NCOA2: variants seen among roughly 807,000 people sequenced by gnomAD.
NCOA2 encodes the protein class E basic helix-loop-helix protein 75.
A neutral mutation model predicts 145.1 loss-of-function variants in NCOA2; 21 were observed. That is an observed-to-expected ratio of 0.14 (90% CI 0.10 to 0.21). The LOEUF (loss-of-function observed/expected upper bound fraction) is 0.21. Ranked by LOEUF, NCOA2 falls within the 10% of genes least tolerant of loss-of-function variation. The probability of loss-of-function intolerance (pLI) is 1.00; values close to 1 mark genes in which losing one functional copy is unlikely to be tolerated. For synonymous variants in NCOA2, 619 were observed against 637.5 expected, an observed-to-expected ratio of 0.97 and a Z score of 0.44; for missense variants, 1,472 against 1,837.6, an observed-to-expected ratio of 0.80 and a Z score of 3.64.
chr8:70,185,463 A>G (rs1815959492), intron 4 of NCOA2, among the ~76,000 whole-genome samples: 1 of 152,192 alleles, frequency 6.6e-6, no homozygotes, highest in African/African-American at 2.4e-5. Flanking sequence ...TGGCCAAGCA[A>G]TGAAGGCACA....
intron 2 of NCOA2, among the ~76,000 whole-genome samples, chr8:70,275,093 G>A (rs75330110): frequency 0.034 from 5,218 of 152,270 alleles, 297 homozygotes; most frequent in African/African-American, 0.12. Context: ...AGGTTCATCT[G>A]TAGTTCTGAT....
chr8:70,287,479 A>C (rs1826320318), intron 2 of NCOA2, among the ~76,000 whole-genome samples: 1 of 152,134 alleles, frequency 6.6e-6, no homozygotes, highest in Non-Finnish European at 1.5e-5. Context: ...GGGAATTCTA[A>C]ATTACTTTTT....
At chr8:70,290,937 A>G (rs1276244038) in intron 2 of NCOA2, among the ~76,000 whole-genome samples, 1 of 152,242 alleles carries the variant, frequency 6.6e-6, no homozygotes, top group African/African-American at 2.4e-5. Flanking sequence ...AATAACATAC[A>G]TCTGGCATTT....
intron 4 of NCOA2, among the ~76,000 whole-genome samples, chr8:70,189,505 A>C (rs1442549035): frequency 6.6e-6 from 1 of 152,198 alleles, no homozygotes; most frequent in Non-Finnish European, 1.5e-5. Context: ...TGTAGACCCA[A>C]GTGACCCACA....
At chr8:70,444,543 G>C in the NCOA2 span, among the ~76,000 whole-genome samples, 2 of 152,150 alleles carry the variant, frequency 1.3e-5, no homozygotes, top group Non-Finnish European at 2.9e-5. Flanking sequence ...GAATAAGATT[G>C]CTGGACTGCA....
chr8:70,200,151 A>G (rs887560875), intron 4 of NCOA2, among the ~76,000 whole-genome samples: 3 of 152,200 alleles, frequency 2.0e-5, no homozygotes, highest in African/African-American at 7.2e-5. Flanking sequence ...CACAAATACT[A>G]TACCACTTTA....
chr8:70,156,896 T>C lies in NCOA2; in HGVS notation c.1469A>G (p.His490Arg). The change falls in exon 11 of 23, where the codon CAT (histidine) becomes CGT (arginine). Residue 490 changes from histidine to arginine, a missense_variant. Around this residue, in one of 4 missense-constraint regions of NCOA2, gnomAD observed 953 missense variants for 1,062.1 expected, o/e 0.90. Coordinates refer to ENST00000452400, the MANE Select transcript of NCOA2 (RefSeq NM_006540.4). ...GQPTSMLSPR[H>R]RMSPGVAGSP... ...GCCAGCCACTCCAGGGCTCATGCGA[T>C]GCCTTGGTGAAAGCATGGAGGTGGG... The C allele has an allele frequency of 6.2e-7, 1 of 1,613,994 alleles. No individual in the cohort carries two copies. The highest frequency in any genetic ancestry group is 1.6e-4 in the Middle Eastern group (1 of 6,062).
chr8:70,405,941 C>T (rs1255984371), upstream of NCOA2, among the ~76,000 whole-genome samples: 1 of 152,184 alleles, frequency 6.6e-6, no homozygotes, highest in Admixed American at 6.5e-5. Context: ...TGCCCAAGTG[C>T]TACTCAATTG....
At chr8:70,113,792 A>C in intron 22 of NCOA2, 149 bp from the exon 23 acceptor site, 1 of 771,534 alleles carries the variant, frequency 1.3e-6, no homozygotes, top group East Asian at 2.7e-5. Context: ...TTCGATGTGG[A>C]GGTGAACAGG....
rs1203929985 is a variant in NCOA2, at chr8:70,110,158, A to G, written c.*3474T>C. On this transcript the variant is annotated 3_prime_UTR_variant, in exon 23 of 23. Coordinates refer to ENST00000452400, the MANE Select transcript of NCOA2 (RefSeq NM_006540.4). ...ATGAGGAACTGTACAAATAAAACTC[A>G]CAAATGACAAAGGAAAAAAATGACA... 5.0e-6 allele frequency: 1 copy of G among 201,344 alleles called. No individual in the cohort carries two copies. Among genetic ancestry groups the G allele is most frequent in the African/African-American group, 2.3e-5 (1 of 43,614 alleles). The allele number at this position is 201,344 out of a possible 1,614,324, so 12.5% of individuals were successfully genotyped here.
chr8:70,344,349 T>C (rs1287050569), intron 1 of NCOA2, among the ~76,000 whole-genome samples: 4 of 152,002 alleles, frequency 2.6e-5, no homozygotes, highest in Non-Finnish European at 2.9e-5. Context: ...AGGAACAGAG[T>C]GTGCGGGGCG....
At chr8:70,382,325 A>G (rs772954730) in intron 1 of NCOA2, among the ~76,000 whole-genome samples, 8 of 152,036 alleles carry the variant, frequency 5.3e-5, no homozygotes, top group Non-Finnish European at 7.4e-5. Flanking sequence ...TTCGAAGATC[A>G]CTTTTCCCAA....
chr8:70,425,269 C>CT, the NCOA2 span, among the ~76,000 whole-genome samples: 1 of 152,096 alleles, frequency 6.6e-6, no homozygotes, highest in Non-Finnish European at 1.5e-5. Flanking sequence ...CAGTGCTCCC[C>CT]TTTATTTTTT....
At chr8:70,130,843 T>G (rs2131562451) in intron 16 of NCOA2, among the ~76,000 whole-genome samples, 1 of 152,228 alleles carries the variant, frequency 6.6e-6, no homozygotes, top group East Asian at 1.9e-4. Flanking sequence ...AACATGATGG[T>G]TTTTCTGGGT....
intron 1 of NCOA2, among the ~76,000 whole-genome samples, chr8:70,363,079 T>TAAAACA (rs1387666196): frequency 0.024 from 2,345 of 99,682 alleles, 37 homozygotes; most frequent in East Asian, 0.15. Context: ...ACTCTGTCTT[T>TAAAACA]AAAAAAAAAA....
At chr8:70,435,528 T>C in the NCOA2 span, among the ~76,000 whole-genome samples, 1 of 151,014 alleles carries the variant, frequency 6.6e-6, no homozygotes, top group East Asian at 2.0e-4. Context: ...TGTGACCTTG[T>C]ACAAGCTACT....
At chr8:70,145,921 G>A (rs999858286) in intron 12 of NCOA2, among the ~76,000 whole-genome samples, 8 of 152,320 alleles carry the variant, frequency 5.3e-5, no homozygotes, top group African/African-American at 1.9e-4. Flanking sequence ...ATGAGCCACC[G>A]TGTCTGGCTC....
chr8:70,319,417 C>T (rs775896924), intron 1 of NCOA2, among the ~76,000 whole-genome samples: 3 of 151,992 alleles, frequency 2.0e-5, no homozygotes, highest in Non-Finnish European at 4.4e-5. Flanking sequence ...TGGTGTAGGA[C>T]CATGGTCTCA....
intron 10 of NCOA2, among the ~76,000 whole-genome samples, chr8:70,159,179 T>C (rs1340361145): frequency 7.2e-6 from 1 of 138,200 alleles, no homozygotes; most frequent in African/African-American, 2.6e-5. Flanking sequence ...TTATACCTGA[T>C]ACAGTGTAAA....
Sources: allele counts gnomAD v4.1 joint callset (sites outside exome capture counted in the v4.1 genomes callset), GRCh38; gene constraint gnomAD v4.1.1; regional missense constraint gnomAD v4.1.1; transcripts MANE v1.5; gene names NCBI Gene and HGNC (gene_info 2026-07-23, HGNC 2026-07-21).